FMN1: variants seen among roughly 807,000 people sequenced by gnomAD.
FMN1 encodes formin-1.
A neutral mutation model predicts 132.4 loss-of-function variants in FMN1; 110 were observed. That is an observed-to-expected ratio of 0.83 (90% CI 0.71 to 0.97). The LOEUF is 0.97. Among genes scored for constraint, FMN1 ranks in the 50% least tolerant of loss-of-function variants. The pLI is 0.00. For missense variants in FMN1, 1,792 were observed against 1,705.3 expected (o/e 1.05, Z -0.90); for synonymous variants, 722 against 651.7 (o/e 1.11, Z -1.64).
chr15:32,786,477 A>C (rs1303925024), intron 19 of FMN1, among the ~76,000 whole-genome samples: 1 of 152,194 alleles, frequency 6.6e-6, no homozygotes, highest in African/African-American at 2.4e-5. Context: ...CTTCAGAAGA[A>C]AAAGTCAGAA....
At chr15:32,880,257 G>A (rs1186987845) in intron 16 of FMN1, among the ~76,000 whole-genome samples, 4 of 151,938 alleles carry the variant, frequency 2.6e-5, no homozygotes, top group South Asian at 2.1e-4. Flanking sequence ...CACATTTCCC[G>A]CACATTTCCT....
At chr15:32,979,639 G>C (rs1173786621) in intron 7 of FMN1, among the ~76,000 whole-genome samples, 1 of 150,280 alleles carries the variant, frequency 6.7e-6, no homozygotes, top group Non-Finnish European at 1.5e-5. Context: ...ATATTTGTAA[G>C]TTATGATGAA....
At chr15:32,921,050 C>CT (rs1287177536) in intron 10 of FMN1, among the ~76,000 whole-genome samples, 2 of 152,158 alleles carry the variant, frequency 1.3e-5, no homozygotes, top group African/African-American at 4.8e-5. Flanking sequence ...CTTCTCAGAG[C>CT]TTATATTCTC....
In FMN1 at chr15:33,053,421, G is replaced by A. The variant is rs529728780; in HGVS notation, c.2161+11536C>T. 1.6e-4 allele frequency among the ~76,000 whole-genome samples: 25 copies of A among 152,262 alleles called. No individual in the cohort carries two copies. The South Asian group carries it at 4.2e-3, about 25-fold the overall frequency. ...GAGCTGCCAGCCAAACCCTGCACTC[G>A]TTCACTCATGTGCTCACTCCCACAA... On this transcript the variant is annotated intron_variant, in intron 6 of 20. Coordinates refer to ENST00000616417, the MANE Select transcript of FMN1 (RefSeq NM_001277313.2).
At chr15:33,021,095 C>CA (rs1306206601) in intron 6 of FMN1, among the ~76,000 whole-genome samples, 1 of 152,128 alleles carries the variant, frequency 6.6e-6, no homozygotes, top group African/African-American at 2.4e-5. Context: ...CCTGCTATTT[C>CA]ATGTAATTAA....
At chr15:33,103,596 T>C (rs533883821) in intron 4 of FMN1, among the ~76,000 whole-genome samples, 8 of 152,214 alleles carry the variant, frequency 5.3e-5, no homozygotes, top group South Asian at 2.1e-4. Flanking sequence ...ATTTTATCCA[T>C]TGTGAAATAT....
intron 18 of FMN1, among the ~76,000 whole-genome samples, chr15:32,804,016 A>G (rs567042554): frequency 1.0e-3 from 155 of 152,292 alleles, no homozygotes; most frequent in South Asian, 7.7e-3. Flanking sequence ...GAAGTCAGTC[A>G]CACAAGGACA....
At chr15:32,930,082 C>T (rs7178559) in intron 9 of FMN1, among the ~76,000 whole-genome samples, 37,370 of 148,358 alleles carry the variant, frequency 0.25, 4,972 homozygotes, top group Non-Finnish European at 0.3. Context: ...CTCTGCCTCC[C>T]GGGTTCACAC....
chr15:33,110,072 T>C (rs917166408), intron 4 of FMN1, among the ~76,000 whole-genome samples: 7 of 152,152 alleles, frequency 4.6e-5, no homozygotes, highest in Middle Eastern at 3.4e-3. Flanking sequence ...GGAGAAACAA[T>C]TTGGTAATAA....
chr15:33,087,276 G>A (rs1306458611), intron 5 of FMN1, among the ~76,000 whole-genome samples: 2 of 152,218 alleles, frequency 1.3e-5, no homozygotes, highest in Non-Finnish European at 2.9e-5. Context: ...GCTGGATGTG[G>A]TGGCTCACGC....
At chr15:33,093,071 A>C (rs978351357) in intron 4 of FMN1, among the ~76,000 whole-genome samples, 1 of 152,268 alleles carries the variant, frequency 6.6e-6, no homozygotes, top group Non-Finnish European at 1.5e-5. Flanking sequence ...TAACCAGCAG[A>C]TCTGGACAAA....
At chr15:32,994,351 T>G (rs564489576) in intron 7 of FMN1, among the ~76,000 whole-genome samples, 1 of 152,126 alleles carries the variant, frequency 6.6e-6, no homozygotes, top group East Asian at 1.9e-4. Flanking sequence ...AGAGCTACAT[T>G]TCCCACCTCT....
intron 7 of FMN1, among the ~76,000 whole-genome samples, chr15:33,006,142 T>G (rs939831856): frequency 6.6e-6 from 1 of 152,208 alleles, no homozygotes; most frequent in African/African-American, 2.4e-5. Flanking sequence ...GATGTTTTCA[T>G]ATATCTGATA....
intron 3 of FMN1, among the ~76,000 whole-genome samples, chr15:33,164,874 T>C (rs912238167): frequency 8.5e-5 from 13 of 152,212 alleles, no homozygotes; most frequent in African/African-American, 2.9e-4. Flanking sequence ...TGCATAATAA[T>C]CACATCAGGG....
intron 18 of FMN1, among the ~76,000 whole-genome samples, chr15:32,800,045 C>G (rs1434860038): frequency 2.0e-5 from 3 of 151,866 alleles, no homozygotes; most frequent in Non-Finnish European, 4.4e-5. Context: ...ATTGTAAAAC[C>G]CTGAAGCTCC....
At chr15:33,103,966 A>C (rs902820530) in intron 4 of FMN1, among the ~76,000 whole-genome samples, 1 of 152,066 alleles carries the variant, frequency 6.6e-6, no homozygotes, top group African/African-American at 2.4e-5. Flanking sequence ...TTAAAATGCA[A>C]GTCAGAAGAA....
intron 18 of FMN1, among the ~76,000 whole-genome samples, chr15:32,799,505 A>C (rs1355569375): frequency 1.3e-5 from 2 of 152,240 alleles, no homozygotes; most frequent in African/African-American, 2.4e-5. Flanking sequence ...AGAGATGTAG[A>C]TGATATGATC....
At chr15:33,009,919 A>AAT (rs1246254827) in intron 6 of FMN1, among the ~76,000 whole-genome samples, 1 of 145,852 alleles carries the variant, frequency 6.9e-6, no homozygotes, top group African/African-American at 2.6e-5. Context: ...ATGGAGTTTC[A>AAT]CTCGTTTCCC....
In FMN1 at chr15:32,953,780, A is replaced by G. The variant is rs562618907; in HGVS notation, c.3138+10327T>C. On this transcript the variant is annotated intron_variant, in intron 9 of 20. Transcript: ENST00000616417. ...ACCACTGGCTGCTGCCGCCAAATGC[A>G]TTTCTGTTATGTAAGGACAACTGCA... Among the ~76,000 whole-genome samples, 7 of 152,274 alleles carry G rather than the reference A, an allele frequency of 4.6e-5. No individual in the cohort carries two copies. In the East Asian group the frequency reaches 1.3e-3, roughly 29 times the overall value.
Sources: gnomAD v4.1 joint callset for allele counts (sites outside exome capture counted in the v4.1 genomes callset) on GRCh38, gnomAD v4.1.1 for gene constraint, MANE v1.5 for transcripts, NCBI Gene and HGNC (gene_info 2026-07-23, HGNC 2026-07-21) for gene names.